The following SGMS1 variants were observed in gnomAD, a reference collection of about 807,000 sequenced individuals.
SGMS1 encodes sphingomyelin synthase 1.
SGMS1 carries 13 observed loss-of-function variants against 46.2 expected under a neutral mutation model. That is an observed-to-expected ratio of 0.28 (90% CI 0.18 to 0.45). The LOEUF is 0.45. Among genes scored for constraint, SGMS1 ranks in the 20% least tolerant of loss-of-function variants. The pLI, the probability that SGMS1 is intolerant of heterozygous loss-of-function variation, is 1.00. For synonymous variants in SGMS1, 203 were observed against 187.8 expected, an observed-to-expected ratio of 1.08 and a Z score of -0.66; for missense variants, 324 against 519.9, an observed-to-expected ratio of 0.62 and a Z score of 3.66.
chr10:50,487,123 C>T (rs533941380), intron 3 of SGMS1, among the ~76,000 whole-genome samples: 1 of 152,186 alleles, frequency 6.6e-6, no homozygotes, highest in South Asian at 2.1e-4. Context: ...CATGTGGATG[C>T]ATAGTGGGGA....
intron 5 of SGMS1, among the ~76,000 whole-genome samples, chr10:50,457,303 A>T (rs926129689): frequency 6.6e-6 from 1 of 152,268 alleles, no homozygotes; most frequent in Non-Finnish European, 1.5e-5. Flanking sequence ...CCAAAATATT[A>T]TCAATGGCTA....
chr10:50,551,202 A>G (rs1178337890), intron 2 of SGMS1, among the ~76,000 whole-genome samples: 1 of 151,954 alleles, frequency 6.6e-6, no homozygotes, highest in African/African-American at 2.4e-5. Flanking sequence ...GTGAGCAGTC[A>G]TGTTGGTACT....
intron 6 of SGMS1, among the ~76,000 whole-genome samples, chr10:50,366,106 C>T (rs187296584): frequency 4.6e-5 from 7 of 152,196 alleles, no homozygotes; most frequent in Non-Finnish European, 7.4e-5. Context: ...AAGAGTTTCT[C>T]CACAGCAAAA....
chr10:50,581,506 G>T (rs1838434196), intron 2 of SGMS1, among the ~76,000 whole-genome samples: 1 of 152,162 alleles, frequency 6.6e-6, no homozygotes, highest in South Asian at 2.1e-4. Flanking sequence ...AAATAAGGTT[G>T]ACCTTGTTTT....
At chr10:50,477,168 C>T (rs561372720) in intron 3 of SGMS1, among the ~76,000 whole-genome samples, 2 of 152,352 alleles carry the variant, frequency 1.3e-5, no homozygotes, top group East Asian at 1.9e-4. Flanking sequence ...TGCAGAGCCA[C>T]AAGAGTGGAG....
At chr10:50,554,826 A>G (rs1225607202) in intron 2 of SGMS1, among the ~76,000 whole-genome samples, 2 of 152,234 alleles carry the variant, frequency 1.3e-5, no homozygotes, top group East Asian at 3.8e-4. Flanking sequence ...GACACACAAA[A>G]TGTTCTACAA....
intron 7 of SGMS1, among the ~76,000 whole-genome samples, chr10:50,338,418 T>C (rs1457978894): frequency 2.0e-5 from 3 of 152,200 alleles, no homozygotes; most frequent in African/African-American, 7.2e-5. Context: ...AGAAAACACA[T>C]ATCAAGATAT....
intron 5 of SGMS1, among the ~76,000 whole-genome samples, chr10:50,454,536 G>T (rs1175161032): frequency 6.6e-6 from 1 of 152,146 alleles, no homozygotes; most frequent in East Asian, 1.9e-4. Context: ...TTCAACATGG[G>T]TCACAATGAG....
rs1253822423 is a variant in SGMS1 at position 50,317,880 on chromosome 10, T to G, written c.742-6465A>C. Among the ~76,000 whole-genome samples the G allele has an allele frequency of 2.7e-5, 4 of 150,750 alleles. No homozygotes were observed. The East Asian group carries it at 8.0e-4, about 30-fold the overall frequency. ...GTGCAATGGCACAATCTCGGCTCAC[T>G]GCAACCTCCACCTCCTGGGTTCAAG... On this transcript the variant is annotated intron_variant, in intron 8 of 10. Coordinates refer to ENST00000361781, the MANE Select transcript of SGMS1 (RefSeq NM_147156.4).
chr10:50,496,924 C>T (rs1326875945), intron 3 of SGMS1, among the ~76,000 whole-genome samples: 1 of 152,206 alleles, frequency 6.6e-6, no homozygotes, highest in Admixed American at 6.5e-5. Context: ...ACTAATGTCA[C>T]TACCAACATC....
chr10:50,411,239 A>G (rs1439438674), intron 6 of SGMS1, among the ~76,000 whole-genome samples: 4 of 152,216 alleles, frequency 2.6e-5, no homozygotes, highest in Non-Finnish European at 5.9e-5. Flanking sequence ...TTGAATGCCA[A>G]GCTTAAACTC....
intron 8 of SGMS1, among the ~76,000 whole-genome samples, chr10:50,313,954 TAGTG>T (rs1371099929): frequency 6.6e-6 from 1 of 152,020 alleles, no homozygotes; most frequent in Non-Finnish European, 1.5e-5. Flanking sequence ...TCTTTAAGCT[TAGTG>T]AGAAATAGAA....
chr10:50,535,370 A>AT (rs921082565), intron 2 of SGMS1, among the ~76,000 whole-genome samples: 17 of 148,844 alleles, frequency 1.1e-4, no homozygotes, highest in East Asian at 9.9e-4. Context: ...AAGCAAGCTT[A>AT]TTTTTTTTTT....
At chr10:50,472,502 C>A (rs1025141355) in intron 3 of SGMS1, among the ~76,000 whole-genome samples, 2 of 152,100 alleles carry the variant, frequency 1.3e-5, no homozygotes, top group Non-Finnish European at 2.9e-5. Flanking sequence ...TATCTCTATC[C>A]TGCCCCTACT....
chr10:50,476,097 C>CAAAAAAAAAAAAAA (rs58641986), intron 3 of SGMS1, among the ~76,000 whole-genome samples: 9 of 43,314 alleles, frequency 2.1e-4, no homozygotes, highest in East Asian at 8.0e-4. Flanking sequence ...ACTAAAAATA[C>CAAAAAAAAAAAAAA]AAAAAAAAAA....
intron 1 of SGMS1, among the ~76,000 whole-genome samples, chr10:50,607,283 T>C (rs1838706945): frequency 6.6e-6 from 1 of 152,024 alleles, no homozygotes; most frequent in Non-Finnish European, 1.5e-5. Context: ...GTACCTGGCC[T>C]AGCATTGTAC....
chr10:50,351,176 G>A (rs904134482), intron 6 of SGMS1, among the ~76,000 whole-genome samples: 2 of 152,200 alleles, frequency 1.3e-5, no homozygotes, highest in Non-Finnish European at 2.9e-5. Flanking sequence ...CCCCACTGGA[G>A]TTTGGACTTA....
chr10:50,520,634 T>C (rs1837849425), intron 2 of SGMS1, among the ~76,000 whole-genome samples: 1 of 152,182 alleles, frequency 6.6e-6, no homozygotes, highest in Non-Finnish European at 1.5e-5. Context: ...AACTCTTCCA[T>C]GACACCATAT....
At chr10:50,580,515 AG>A (rs769472526) in intron 2 of SGMS1, among the ~76,000 whole-genome samples, 5 of 151,538 alleles carry the variant, frequency 3.3e-5, no homozygotes, top group Non-Finnish European at 7.4e-5. Context: ...CAGAACATCA[AG>A]GTGGCAGACA....
Sources: gnomAD v4.1 joint callset for allele counts (sites outside exome capture counted in the v4.1 genomes callset) on GRCh38, gnomAD v4.1.1 for gene constraint, MANE v1.5 for transcripts, NCBI Gene and HGNC (gene_info 2026-07-23, HGNC 2026-07-21) for gene names.